The following CEP126 variants were observed in gnomAD, a reference collection of about 807,000 sequenced individuals.
The protein encoded by CEP126 is centrosomal protein 126.
CEP126 carries 74 observed loss-of-function variants against 107.8 expected under a neutral mutation model. The ratio of observed to expected loss-of-function variants is 0.69; its 90% CI spans 0.57 to 0.83. The LOEUF (loss-of-function observed/expected upper bound fraction) is 0.83. CEP126 is among the 40% of genes least tolerant of loss of function. The pLI is 0.00. For synonymous variants in CEP126, 449 were observed against 446.0 expected (o/e 1.01, Z -0.08); for missense variants, 1,237 against 1,281.9 (o/e 0.96, Z 0.53).
At chr11:101,966,866 C>G (rs1397731996) in intron 6 of CEP126, among the ~76,000 whole-genome samples, 1 of 151,828 alleles carries the variant, frequency 6.6e-6, no homozygotes, top group Non-Finnish European at 1.5e-5. Flanking sequence ...GGGTATGGAT[C>G]CTATTACCCA....
In CEP126 at chr11:101,962,794, C is replaced by G. The variant is rs1280087031; in HGVS notation, c.1759C>G (p.His587Asp). The G allele has an allele frequency of 6.2e-7, 1 of 1,602,534 alleles. No individual in the cohort carries two copies. Among genetic ancestry groups the G allele is most frequent in the East Asian group, 2.2e-5 (1 of 44,770 alleles). ...TTTAAAGAAAGAATCTAAATATGAA[C>G]ATGGTTATCTTAAGGCATTAATTAT... is the stretch of plus-strand genomic sequence containing the variant. Reference protein sequence around the residue: ...SILKKESKYEHGYLKALIINQ... With the variant: ...SILKKESKYEDGYLKALIINQ... Residue 587 changes from histidine (H) to aspartate (D), a missense_variant, in exon 6 of 11, where the codon CAT becomes GAT. By Grantham distance (81) the His-to-Asp change is moderately conservative. This residue lies in a region of CEP126 where 1,134 missense variants were observed against 1,150.5 expected (regional missense o/e 0.99). Transcript: ENST00000263468.
intron 2 of CEP126, among the ~76,000 whole-genome samples, chr11:101,931,602 AT>A (rs947090977): frequency 6.6e-6 from 1 of 152,096 alleles, no homozygotes; most frequent in African/African-American, 2.4e-5. Flanking sequence ...CTTATTTTTA[AT>A]TTTTTAATTT....
Position 102,000,382 on chromosome 11 carries a change from A to T in CEP126, c.*2739A>T, listed in dbSNP as rs1467130573. The T allele has an allele frequency of 6.6e-6, 1 of 152,106 alleles. No individual in the cohort carries two copies. The highest frequency in any genetic ancestry group is 1.5e-5 in the Non-Finnish European group (1 of 68,014). 9.4% of individuals were successfully genotyped at this position (152,106 alleles called of 1,614,324 possible). ...AGTGGAAAAACTTATGAAACTTCTT[A>T]TAAGAGAGAGTAATCTCAGGCCGGA... On this transcript the variant is annotated 3_prime_UTR_variant, in exon 11 of 11. Coordinates refer to ENST00000263468, the MANE Select transcript of CEP126 (RefSeq NM_020802.4).
chr11:101,992,785 A>G lies in CEP126; in HGVS notation c.3252A>G (p.Gln1084=). The part of the protein sequence containing the change: ...NDLSERLHYI[Q]ESICKNPSIK... ...GTGATATAATTATTTCAGATATACA[A>G]GAATCCATTTGCAAAAACCCATCCA... The change falls in exon 10 of 11, where the codon CAA becomes CAG. Residue 1084 remains glutamine (Q), a synonymous_variant. Transcript: ENST00000263468. 2.0e-6 allele frequency: 3 copies of G among 1,488,604 alleles called. No individual in the cohort carries two copies. Among genetic ancestry groups the G allele is most frequent in the Non-Finnish European group, 1.8e-6 (2 of 1,097,028 alleles). 92.2% of individuals were successfully genotyped at this position (1,488,604 alleles called of 1,614,324 possible). A position where few individuals can be genotyped will look rare whatever the true frequency, so the allele number is the denominator to read the frequency against.
rs1210968802 is a variant in CEP126, at chr11:101,963,115, A to C, written c.2080A>C (p.Ile694Leu). The C allele has an allele frequency of 1.9e-6, 3 of 1,614,122 alleles. No homozygotes were observed. Among genetic ancestry groups the C allele is most frequent in the South Asian group, 2.2e-5 (2 of 91,078 alleles). ...ADTKKSREDSISENVTTLGGS... is the reference protein window; with the variant it reads ...ADTKKSREDSLSENVTTLGGS... ...TACAAAGAAGTCCAGGGAGGATTCT[A>C]TCTCTGAAAATGTTACGACTTTAGG... The change falls in exon 6 of 11, where the codon ATC becomes CTC. Residue 694 changes from isoleucine (I) to leucine (L), a missense_variant. Transcript: ENST00000263468.
At chr11:101,955,157 T>G (rs1940867663) in intron 4 of CEP126, among the ~76,000 whole-genome samples, 1 of 152,138 alleles carries the variant, frequency 6.6e-6, no homozygotes, top group Admixed American at 6.5e-5. Context: ...AGAGAATATA[T>G]TCTCATGAAC....
Position 101,944,399 on chromosome 11 carries a change from G to T in CEP126, c.383G>T (p.Arg128Leu), listed in dbSNP as rs756490220. 9.9e-6 allele frequency: 16 copies of T among 1,608,856 alleles called. 2 individuals are homozygous for T. The South Asian group carries it at 1.7e-4, about 17-fold the overall frequency. Residue 128 changes from arginine to leucine, a missense_variant, in exon 3 of 11, where the codon CGG becomes CTG. By Grantham distance (102) the Arg-to-Leu change is moderately radical (BLOSUM62 -2). Coordinates refer to ENST00000263468, the MANE Select transcript of CEP126 (RefSeq NM_020802.4). Reference sequence around the variant, plus strand: ...CGTGCCCATGTTCCTCTTTCACAGCGGAGGAAAGCAGGTGCCTTAATTTCT... The same window carrying T: ...CGTGCCCATGTTCCTCTTTCACAGCTGAGGAAAGCAGGTGCCTTAATTTCT... ...FQRAHVPLSQ[R>L]RKAVSRKPVP...
chr11:101,917,027 A>AGT (rs1940227371), intron 1 of CEP126, among the ~76,000 whole-genome samples: 1 of 90,128 alleles, frequency 1.1e-5, no homozygotes, highest in Non-Finnish European at 2.2e-5. Context: ...AAAATCCAAC[A>AGT]ATGTGTGTGT....
intron 5 of CEP126, among the ~76,000 whole-genome samples, chr11:101,958,582 A>G (rs1940931308): frequency 6.6e-6 from 1 of 152,200 alleles, no homozygotes; most frequent in South Asian, 2.1e-4. Flanking sequence ...TATTATTGTT[A>G]GAGATTGTAT....
At chr11:101,947,354 T>C (rs1442082826) in intron 3 of CEP126, among the ~76,000 whole-genome samples, 1 of 152,122 alleles carries the variant, frequency 6.6e-6, no homozygotes. Flanking sequence ...TGTCTCCATT[T>C]GAGAGGGTTG....
intron 6 of CEP126, among the ~76,000 whole-genome samples, chr11:101,964,754 G>T (rs1257144906): frequency 6.6e-6 from 1 of 152,026 alleles, no homozygotes; most frequent in African/African-American, 2.4e-5. Context: ...TTTTTTCCAT[G>T]ACTTTTCCTG....
At chr11:101,916,263 A>G (rs1027051851) in intron 1 of CEP126, 1 of 152,152 alleles carries the variant, frequency 6.6e-6, no homozygotes, top group African/African-American at 2.4e-5. Flanking sequence ...TCCAATTTCT[A>G]GGATGTTCTT....
chr11:101,972,252 C>CT (rs1378588645), intron 6 of CEP126, among the ~76,000 whole-genome samples: 2 of 151,080 alleles, frequency 1.3e-5, no homozygotes, highest in East Asian at 3.9e-4. Context: ...CTGTGAAACT[C>CT]TGTCTCTATT....
chr11:101,915,263 A>G lies in CEP126; in HGVS notation c.-22A>G. On this transcript the variant is annotated 5_prime_UTR_variant, in exon 1 of 11. Transcript: ENST00000263468. ...TGAGGGAGGTTCTGGGGGCGAGCAG[A>G]CAGGCGGCGCTGAAGTGAAGGATGC... 6.2e-7 allele frequency: 1 copy of G among 1,612,782 alleles called. No individual in the cohort carries two copies. Among genetic ancestry groups the G allele is most frequent in the Non-Finnish European group, 8.5e-7 (1 of 1,179,620 alleles).
intron 6 of CEP126, among the ~76,000 whole-genome samples, chr11:101,969,053 C>A (rs184398027): frequency 6.6e-6 from 1 of 152,238 alleles, no homozygotes; most frequent in African/African-American, 2.4e-5. Context: ...CAGGGTCTCA[C>A]TCTGTCACCC....
chr11:101,917,051 T>C (rs948985145), intron 1 of CEP126, among the ~76,000 whole-genome samples: 55 of 151,408 alleles, frequency 3.6e-4, no homozygotes, highest in Non-Finnish European at 7.1e-4. Context: ...TGTGTGTGTG[T>C]GTGTGTGTGT....
At chr11:101,956,165 T>C (rs1940885290) in intron 4 of CEP126, 1 of 456,422 alleles carries the variant, frequency 2.2e-6, no homozygotes, top group Non-Finnish European at 4.4e-6. Context: ...ACAGCACAAG[T>C]TATTTTACAA....
At chr11:101,931,910 G>T in intron 2 of CEP126, among the ~76,000 whole-genome samples, 1 of 152,162 alleles carries the variant, frequency 6.6e-6, no homozygotes, top group East Asian at 1.9e-4. Flanking sequence ...CAAATAGTTC[G>T]GCATATAGCT....
chr11:101,979,204 T>C (rs1355830073), intron 7 of CEP126, among the ~76,000 whole-genome samples: 1 of 152,090 alleles, frequency 6.6e-6, no homozygotes, highest in Non-Finnish European at 1.5e-5. Flanking sequence ...CCTATTTGTG[T>C]CTGAGCTTCC....
Sources: gnomAD v4.1 joint callset for allele counts (sites outside exome capture counted in the v4.1 genomes callset) on GRCh38, gnomAD v4.1.1 for gene constraint, gnomAD v4.1.1 regional missense constraint, MANE v1.5 for transcripts, NCBI Gene and HGNC (gene_info 2026-07-23, HGNC 2026-07-21) for gene names.